The following HNF4G variants were observed in gnomAD, a reference collection of about 807,000 sequenced individuals.
HNF4G encodes hepatocyte nuclear factor 4 gamma.
HNF4G carries 21 observed loss-of-function variants against 50.9 expected under a neutral mutation model. The ratio of observed to expected loss-of-function variants is 0.41; its 90% CI spans 0.29 to 0.59. The LOEUF is 0.59. Ranked by LOEUF, HNF4G falls within the 20% of genes least tolerant of loss-of-function variation. The probability of loss-of-function intolerance (pLI) is 0.26; values close to 1 mark genes in which losing one functional copy is unlikely to be tolerated. For missense variants in HNF4G, 527 were observed against 559.4 expected (o/e 0.94, Z 0.58); for synonymous variants, 198 against 185.6 (o/e 1.07, Z -0.54).
chr8:75,469,335 G>T (rs933000162), intron 1 of HNF4G, among the ~76,000 whole-genome samples: 1 of 152,156 alleles, frequency 6.6e-6, no homozygotes, highest in African/African-American at 2.4e-5. Flanking sequence ...ATAGCACAGG[G>T]TGTGGAGGTA....
chr8:75,461,795 T>G (rs1481266959), intron 1 of HNF4G, among the ~76,000 whole-genome samples: 1 of 151,280 alleles, frequency 6.6e-6, no homozygotes, highest in Non-Finnish European at 1.5e-5. Context: ...TAGTAAAAGA[T>G]TAACAACAAT....
intron 1 of HNF4G, among the ~76,000 whole-genome samples, chr8:75,428,926 C>T (rs761749431): frequency 3.4e-4 from 51 of 151,970 alleles, no homozygotes; most frequent in Non-Finnish European, 5.7e-4. Context: ...AAAGTAGATA[C>T]GGGAAGACCA....
At chr8:75,463,237 C>G (rs991468987) in intron 1 of HNF4G, among the ~76,000 whole-genome samples, 4 of 151,934 alleles carry the variant, frequency 2.6e-5, no homozygotes, top group African/African-American at 9.7e-5. Flanking sequence ...AAAAACAAAT[C>G]CTGCATTAGC....
chr8:75,498,259 GA>G (rs2130699265), intron 2 of HNF4G, among the ~76,000 whole-genome samples: 1 of 152,138 alleles, frequency 6.6e-6, no homozygotes, highest in African/African-American at 2.4e-5. Flanking sequence ...AAAAAGCAAT[GA>G]AAGTCCACTA....
intron 2 of HNF4G, among the ~76,000 whole-genome samples, chr8:75,531,779 T>C (rs1806333021): frequency 6.6e-6 from 1 of 152,118 alleles, no homozygotes; most frequent in East Asian, 1.9e-4. Flanking sequence ...AGGATGTGCA[T>C]AGATTATATG....
chr8:75,419,465 CAA>C (rs532158449), intron 1 of HNF4G, among the ~76,000 whole-genome samples: 21 of 152,308 alleles, frequency 1.4e-4, no homozygotes, highest in African/African-American at 4.8e-4. Flanking sequence ...TCATGCTGAG[CAA>C]AAGTTTCAAG....
chr8:75,537,525 C>T (rs1585934063), upstream of HNF4G, among the ~76,000 whole-genome samples: 1 of 152,016 alleles, frequency 6.6e-6, no homozygotes, highest in Non-Finnish European at 1.5e-5. Context: ...GGATTACAGG[C>T]GTGAGCTACC....
chr8:75,425,228 G>A (rs934071747), intron 1 of HNF4G, among the ~76,000 whole-genome samples: 3 of 152,010 alleles, frequency 2.0e-5, no homozygotes, highest in Admixed American at 2.0e-4. Context: ...GGGATTACAG[G>A]CACCTGCCAT....
At chr8:75,559,697 A>G (rs1231394396) in intron 8 of HNF4G, among the ~76,000 whole-genome samples, 1 of 152,158 alleles carries the variant, frequency 6.6e-6, no homozygotes, top group Non-Finnish European at 1.5e-5. Flanking sequence ...CTTCAAATAT[A>G]TCATGGTTTT....
chr8:75,447,114 C>G (rs1223053984), intron 1 of HNF4G, among the ~76,000 whole-genome samples: 4 of 108,226 alleles, frequency 3.7e-5, no homozygotes, highest in East Asian at 5.4e-4. Context: ...ACAGAGCCCT[C>G]AGAAATAACG....
At chr8:75,437,276 A>T (rs1026732750) in intron 1 of HNF4G, among the ~76,000 whole-genome samples, 14 of 152,350 alleles carry the variant, frequency 9.2e-5, no homozygotes, top group African/African-American at 3.1e-4. Flanking sequence ...ATCTATAATT[A>T]GAGAAAAGTA....
intron 1 of HNF4G, among the ~76,000 whole-genome samples, chr8:75,472,611 A>G (rs1182001646): frequency 6.6e-6 from 1 of 152,224 alleles, no homozygotes; most frequent in African/African-American, 2.4e-5. Flanking sequence ...TCATCTCTTG[A>G]AAGATGTTAC....
chr8:75,495,761 C>T (rs1276240091), intron 2 of HNF4G, among the ~76,000 whole-genome samples: 1 of 151,962 alleles, frequency 6.6e-6, no homozygotes, highest in South Asian at 2.1e-4. Context: ...TGGTCTCGAA[C>T]TCCTGGCCTC....
At chr8:75,422,636 A>T (rs145004302) in intron 1 of HNF4G, among the ~76,000 whole-genome samples, 53 of 151,024 alleles carry the variant, frequency 3.5e-4, no homozygotes, top group African/African-American at 1.2e-3. Flanking sequence ...CTGCTGCATT[A>T]TCTTTTTTTT....
In HNF4G at chr8:75,540,004, A is replaced by G; in HGVS notation, c.42A>G (p.Ala14=). The stretch of plus-strand genomic sequence containing the variant: ...AACCAATACTGGACATGGACATGGC[A>G]AATTACAGTGAAGTTTTGGACCCAA... ...VSEPILDMDM[A]NYSEVLDPTY... Residue 14 remains alanine, a synonymous_variant, in exon 1 of 10, where the codon GCA becomes GCG. Coordinates refer to ENST00000396423, the MANE Select transcript of HNF4G (RefSeq NM_004133.5). 1 of 1,606,042 alleles carries G rather than the reference A, an allele frequency of 6.2e-7. No individual in the cohort carries two copies. Among genetic ancestry groups the G allele is most frequent in the South Asian group, 1.1e-5 (1 of 90,922 alleles).
chr8:75,473,153 C>G (rs1398525847), intron 1 of HNF4G, among the ~76,000 whole-genome samples: 2 of 151,964 alleles, frequency 1.3e-5, no homozygotes, highest in South Asian at 2.1e-4. Flanking sequence ...ACTAAAAATA[C>G]AAAAAATTAG....
chr8:75,523,222 TGAAAAAAAA>T (rs1163448746), intron 2 of HNF4G, among the ~76,000 whole-genome samples: 3 of 151,782 alleles, frequency 2.0e-5, no homozygotes, highest in Non-Finnish European at 4.4e-5. Context: ...AGACTCCGTC[TGAAAAAAAA>T]GAAAAAAAAG....
At chr8:75,538,740 C>T (rs1440216953), upstream of HNF4G, among the ~76,000 whole-genome samples, 3 of 152,050 alleles carry the variant, frequency 2.0e-5, no homozygotes, top group Admixed American at 6.6e-5. Context: ...AGGACTATTC[C>T]AATGATCACT....
chr8:75,495,999 A>G (rs1269415269), intron 2 of HNF4G, among the ~76,000 whole-genome samples: 4 of 152,098 alleles, frequency 2.6e-5, no homozygotes, highest in Admixed American at 1.3e-4. Flanking sequence ...TTTGTGAGCT[A>G]CTGTATTATA....
Sources: gnomAD v4.1 joint callset for allele counts (sites outside exome capture counted in the v4.1 genomes callset) on GRCh38, gnomAD v4.1.1 for gene constraint, MANE v1.5 for transcripts, NCBI Gene and HGNC (gene_info 2026-07-23, HGNC 2026-07-21) for gene names.